The following NELL2 variants were observed in gnomAD, a reference collection of about 807,000 sequenced individuals.
NELL2 encodes neural EGFL like 2, also known as protein kinase C-binding protein NELL2.
NELL2 carries 41 observed loss-of-function variants against 109.6 expected under a neutral mutation model. The ratio of observed to expected loss-of-function variants is 0.37; its 90% CI spans 0.29 to 0.49. The LOEUF is 0.49. NELL2 is among the 20% of genes least tolerant of loss of function. The pLI is 0.98. For synonymous variants in NELL2, 355 were observed against 344.7 expected, an observed-to-expected ratio of 1.03 and a Z score of -0.33; for missense variants, 900 against 1,008.3, an observed-to-expected ratio of 0.89 and a Z score of 1.45.
At chr12:44,815,711 T>C (rs1197277767) in intron 3 of NELL2, among the ~76,000 whole-genome samples, 2 of 152,192 alleles carry the variant, frequency 1.3e-5, no homozygotes, top group Admixed American at 1.3e-4. Context: ...CTCCAACTCC[T>C]GGGTTCAATC....
chr12:44,816,919 T>C (rs1943371570), intron 2 of NELL2, among the ~76,000 whole-genome samples: 1 of 152,272 alleles, frequency 6.6e-6, no homozygotes, highest in South Asian at 2.1e-4. Flanking sequence ...TTTAAAAACC[T>C]ATCATTCAAG....
At chr12:44,588,572 T>C (rs1312842502) in intron 15 of NELL2, among the ~76,000 whole-genome samples, 2 of 152,328 alleles carry the variant, frequency 1.3e-5, no homozygotes, top group African/African-American at 2.4e-5. Context: ...GATCTGAAAG[T>C]ATGCTTATGT....
At chr12:44,921,347 AAGACAC>A (rs1226742002) in intron 1 of NELL2, among the ~76,000 whole-genome samples, 1 of 152,178 alleles carries the variant, frequency 6.6e-6, no homozygotes, top group Non-Finnish European at 1.5e-5. Flanking sequence ...AAATGTAAGA[AAGACAC>A]AGTGGCCAGG....
intron 13 of NELL2, among the ~76,000 whole-genome samples, chr12:44,658,196 A>G (rs748332741): frequency 1.2e-4 from 18 of 152,148 alleles, no homozygotes; most frequent in Non-Finnish European, 2.5e-4. Context: ...ATGGTATCTC[A>G]TCATTGTCTC....
At chr12:44,588,817 C>T (rs1258858181) in intron 15 of NELL2, among the ~76,000 whole-genome samples, 2 of 152,178 alleles carry the variant, frequency 1.3e-5, no homozygotes, top group Non-Finnish European at 2.9e-5. Context: ...AATATTTCAT[C>T]ACCCTAAACA....
chr12:44,609,034 G>A (rs554279951), intron 14 of NELL2, among the ~76,000 whole-genome samples: 68 of 151,880 alleles, frequency 4.5e-4, no homozygotes, highest in African/African-American at 1.6e-3. Context: ...GTTGCATTTT[G>A]GGGCCATTAA....
rs1202984973 is a variant in NELL2, at chr12:44,644,592, ATATATATATATG to A, written c.1444+20880_1444+20891del. ...CAGACAAAGTAAAGTATATATATAT[ATATATATATATG>A]TATGTATATATATATATATATACAT... On this transcript the variant is annotated intron_variant, in intron 13 of 19. Transcript: ENST00000429094. Among the ~76,000 whole-genome samples the A allele has an allele frequency of 3.1e-5, 3 of 97,044 alleles. No individual in the cohort carries two copies. In the East Asian group the frequency reaches 1.1e-3, roughly 35 times the overall value. 63.7% of individuals were successfully genotyped at this position (97,044 alleles called of 152,430 possible). A position where few individuals can be genotyped will look rare whatever the true frequency, so the allele number is the denominator to read the frequency against.
At chr12:44,807,923 G>A (rs1943056167) in intron 3 of NELL2, among the ~76,000 whole-genome samples, 1 of 152,000 alleles carries the variant, frequency 6.6e-6, no homozygotes, top group Non-Finnish European at 1.5e-5. Flanking sequence ...TGTCCATAGG[G>A]AGCGAAGAGA....
chr12:44,882,871 C>G (rs923067783), intron 1 of NELL2, among the ~76,000 whole-genome samples: 3 of 138,770 alleles, frequency 2.2e-5, no homozygotes, highest in Non-Finnish European at 4.6e-5. Flanking sequence ...GACAGAGTCT[C>G]CTTCTGTCAC....
intron 17 of NELL2, 188 bp downstream of exon 17, chr12:44,523,103 A>G (rs7953681): frequency 0.065 from 41,006 of 629,196 alleles, 2,656 homozygotes; most frequent in African/African-American, 0.26. Flanking sequence ...CCTGGATCTA[A>G]GGTTGTGGGA....
intron 16 of NELL2, among the ~76,000 whole-genome samples, chr12:44,527,590 G>A (rs1413093412): frequency 3.1e-4 from 47 of 152,146 alleles, no homozygotes; most frequent in Non-Finnish European, 1.2e-4. Context: ...CAGAGTAATT[G>A]TAAAGCTACC....
At chr12:44,653,752 A>G (rs888455243) in intron 13 of NELL2, among the ~76,000 whole-genome samples, 6 of 152,166 alleles carry the variant, frequency 3.9e-5, no homozygotes, top group African/African-American at 1.4e-4. Context: ...TTTAACAAAC[A>G]ATTTTTTGGC....
intron 2 of NELL2, among the ~76,000 whole-genome samples, chr12:44,819,712 C>T (rs1292046733): frequency 1.3e-5 from 2 of 152,172 alleles, no homozygotes; most frequent in Non-Finnish European, 2.9e-5. Flanking sequence ...TATTCAACCT[C>T]TCCTCCCAGC....
chr12:44,721,995 A>G (rs1938799454), intron 9 of NELL2, among the ~76,000 whole-genome samples: 1 of 151,990 alleles, frequency 6.6e-6, no homozygotes, highest in African/African-American at 2.4e-5. Flanking sequence ...GACAAGCGGA[A>G]GGAATGGCAC....
At chr12:44,792,448 G>C (rs529096404) in intron 3 of NELL2, among the ~76,000 whole-genome samples, 1 of 151,878 alleles carries the variant, frequency 6.6e-6, no homozygotes, top group Non-Finnish European at 1.5e-5. Flanking sequence ...AAAGAGAAAA[G>C]AAACTGGAAT....
At chr12:44,852,776 A>T (rs1944569903) in intron 2 of NELL2, among the ~76,000 whole-genome samples, 1 of 152,172 alleles carries the variant, frequency 6.6e-6, no homozygotes, top group Non-Finnish European at 1.5e-5. Flanking sequence ...TTAGTCTTTG[A>T]AACGTGTTCT....
chr12:44,678,431 A>G (rs1226908880), intron 12 of NELL2, among the ~76,000 whole-genome samples: 1 of 152,030 alleles, frequency 6.6e-6, no homozygotes. Context: ...CATGGTCGCC[A>G]TGGCATTCAC....
At chr12:44,580,541 A>G (rs1944286312) in intron 15 of NELL2, among the ~76,000 whole-genome samples, 1 of 152,088 alleles carries the variant, frequency 6.6e-6, no homozygotes, top group African/African-American at 2.4e-5. Flanking sequence ...ACATGGAGAA[A>G]GCCCATCTCT....
intron 15 of NELL2, among the ~76,000 whole-genome samples, chr12:44,595,465 C>T (rs995758334): frequency 2.9e-4 from 44 of 152,146 alleles, no homozygotes; most frequent in African/African-American, 9.2e-4. Flanking sequence ...CTCGCTCTGT[C>T]GCCCAGGCTG....
Sources: gnomAD v4.1 joint callset for allele counts (sites outside exome capture counted in the v4.1 genomes callset) on GRCh38, gnomAD v4.1.1 for gene constraint, MANE v1.5 for transcripts, NCBI Gene and HGNC (gene_info 2026-07-23, HGNC 2026-07-21) for gene names.